The following UBTD1 variants were observed in gnomAD, a reference collection of about 807,000 sequenced individuals.
UBTD1 encodes ubiquitin domain containing 1, also known as ubiquitin domain-containing protein 1.
In UBTD1, 19 loss-of-function variants were observed where a neutral mutation model predicts 21.7. The ratio of observed to expected loss-of-function variants is 0.87; its 90% CI spans 0.61 to 1.28. The LOEUF (loss-of-function observed/expected upper bound fraction) is 1.28. Ranked by LOEUF, UBTD1 falls within the 50% of genes most tolerant of loss-of-function variation. UBTD1 has a pLI of 0.00. For synonymous variants in UBTD1, 116 were observed against 135.1 expected (o/e 0.86, Z 0.98); for missense variants, 282 against 315.1 (o/e 0.89, Z 0.80).
chr10:97,555,472 G>A, intron 1 of UBTD1, among the ~76,000 whole-genome samples: 1 of 152,162 alleles, frequency 6.6e-6, no homozygotes, highest in Non-Finnish European at 1.5e-5. Flanking sequence ...AGTGTAGCAG[G>A]ACGAGCCACA....
At chr10:97,501,196 C>A (rs79142412) in intron 1 of UBTD1, among the ~76,000 whole-genome samples, 1,873 of 152,348 alleles carry the variant, frequency 0.012, 36 homozygotes, top group African/African-American at 0.043. Flanking sequence ...AAGGCAACTT[C>A]ATCTTCAGTC....
rs993746880 is a variant in UBTD1 at position 97,504,509 on chromosome 10, G to A, written c.70+5236G>A. Among the ~76,000 whole-genome samples the A allele has an allele frequency of 2.0e-5, 3 of 152,162 alleles. No homozygotes were observed. The East Asian group carries it at 5.8e-4, about 29-fold the overall frequency. On this transcript the variant is annotated intron_variant, in intron 1 of 2. Transcript: ENST00000370664. ...TATTTAAGGAATCAAACCCTCCCAGGCCATTTCATTTAAAATTATCCCCTT... is the reference window on the plus strand; with the variant it reads ...TATTTAAGGAATCAAACCCTCCCAGACCATTTCATTTAAAATTATCCCCTT...
intron 1 of UBTD1, among the ~76,000 whole-genome samples, chr10:97,534,562 A>AAC (rs200467176): frequency 0.011 from 1,346 of 127,990 alleles, 18 homozygotes; most frequent in African/African-American, 0.029. Flanking sequence ...GGCACTAAGG[A>AAC]ACACACACGC....
At chr10:97,527,171 C>CAAAA (rs34756643) in intron 1 of UBTD1, among the ~76,000 whole-genome samples, 755 of 66,578 alleles carry the variant, frequency 0.011, 37 homozygotes, top group African/African-American at 0.044. Context: ...CTCTTGTCTC[C>CAAAA]AAAAAAAAAA....
At chr10:97,541,488 C>CA (rs1451106978) in intron 1 of UBTD1, among the ~76,000 whole-genome samples, 1 of 151,992 alleles carries the variant, frequency 6.6e-6, no homozygotes, top group Non-Finnish European at 1.5e-5. Context: ...AAAAAAAAGA[C>CA]AAAAAACTCC....
At chr10:97,548,341 T>TA (rs2040620624) in intron 1 of UBTD1, among the ~76,000 whole-genome samples, 1 of 152,252 alleles carries the variant, frequency 6.6e-6, no homozygotes, top group Admixed American at 6.5e-5. Flanking sequence ...AACACATCAG[T>TA]ACGTGGCAAA....
chr10:97,503,761 G>A (rs78266887), intron 1 of UBTD1, among the ~76,000 whole-genome samples: 1 of 152,184 alleles, frequency 6.6e-6, no homozygotes, highest in Non-Finnish European at 1.5e-5. Context: ...GCCACATGGA[G>A]CTTACAGTCT....
intron 1 of UBTD1, among the ~76,000 whole-genome samples, chr10:97,514,080 G>A (rs1044836150): frequency 6.6e-6 from 1 of 151,248 alleles, no homozygotes; most frequent in South Asian, 2.1e-4. Flanking sequence ...GGAAGGTATC[G>A]AATAGTATAT....
chr10:97,507,108 T>C (rs1208613619), intron 1 of UBTD1, among the ~76,000 whole-genome samples: 4 of 152,220 alleles, frequency 2.6e-5, no homozygotes, highest in African/African-American at 9.7e-5. Context: ...CCATAACACT[T>C]TCCTCAGCAG....
chr10:97,515,363 G>A (rs939732921), intron 1 of UBTD1, among the ~76,000 whole-genome samples: 1 of 152,224 alleles, frequency 6.6e-6, no homozygotes, highest in Admixed American at 6.5e-5. Flanking sequence ...AAGCCAGAAC[G>A]TGGGGCCAGT....
At chr10:97,546,187 C>A (rs911865500) in intron 1 of UBTD1, among the ~76,000 whole-genome samples, 11 of 152,164 alleles carry the variant, frequency 7.2e-5, no homozygotes, top group African/African-American at 2.4e-5. Context: ...CTGAATTGCC[C>A]CCCAGCTGGG....
Position 97,498,952 on chromosome 10 carries a change from C to G in UBTD1, c.-252C>G, listed in dbSNP as rs1368648554. On this transcript the variant is annotated 5_prime_UTR_variant, in exon 1 of 3. Coordinates refer to ENST00000370664, the MANE Select transcript of UBTD1 (RefSeq NM_024954.5). ...TCCGCCCCTCCAGCGGAGCTGGTCT[C>G]CGGCCGGGCACCGTCGCGGGCCCCC... 2.3e-6 allele frequency: 1 copy of G among 438,260 alleles called. No individual in the cohort carries two copies. The highest frequency in any genetic ancestry group is 2.1e-5 in the African/African-American group (1 of 48,314). The allele number at this position is 438,260 out of a possible 1,614,324, so 27.1% of individuals were successfully genotyped here. A position where few individuals can be genotyped will look rare whatever the true frequency, so the allele number is the denominator to read the frequency against.
chr10:97,528,525 G>C (rs2040505202), intron 1 of UBTD1, among the ~76,000 whole-genome samples: 1 of 93,558 alleles, frequency 1.1e-5, no homozygotes, highest in Non-Finnish European at 2.3e-5. Flanking sequence ...CGGGCAGGGG[G>C]CTGACCCCCA....
At chr10:97,560,074 A>G (rs888067696) in intron 1 of UBTD1, among the ~76,000 whole-genome samples, 1 of 152,018 alleles carries the variant, frequency 6.6e-6, no homozygotes, top group South Asian at 2.1e-4. Context: ...TTTTTCTTTC[A>G]TGACTTTCAC....
intron 1 of UBTD1, among the ~76,000 whole-genome samples, chr10:97,536,933 G>GGGCCCTCCCTT (rs1307738935): frequency 2.6e-5 from 4 of 152,206 alleles, no homozygotes; most frequent in Admixed American, 2.6e-4. Flanking sequence ...GGAGAGACCA[G>GGGCCCTCCCTT]GGCCCTCCCT....
rs17108072 is a variant in UBTD1 at position 97,553,910 on chromosome 10, T to G, written c.71-14004T>G. Reference sequence around the variant, plus strand: ...CTTGCAGAGGCTCACTCACAGTAACTGTCAGTGGGAGAGAAGCATAGAAGT... The same window carrying G: ...CTTGCAGAGGCTCACTCACAGTAACGGTCAGTGGGAGAGAAGCATAGAAGT... On this transcript the variant is annotated intron_variant, in intron 1 of 2. Transcript: ENST00000370664. Among the ~76,000 whole-genome samples, 1,057 of 152,284 alleles carry G rather than the reference T, an allele frequency of 6.9e-3. 28 individuals carry two copies. In the East Asian group the frequency reaches 0.078, roughly 11 times the overall value.
At chr10:97,553,846 T>G (rs1456149590) in intron 1 of UBTD1, among the ~76,000 whole-genome samples, 1 of 152,200 alleles carries the variant, frequency 6.6e-6, no homozygotes, top group East Asian at 1.9e-4. Context: ...TTGTCACCGC[T>G]GTATCCTGGG....
At chr10:97,524,850 A>G (rs2040481363) in intron 1 of UBTD1, among the ~76,000 whole-genome samples, 1 of 152,134 alleles carries the variant, frequency 6.6e-6, no homozygotes, top group African/African-American at 2.4e-5. Flanking sequence ...TGGAGGGGGA[A>G]GAAAGGGTGG....
At chr10:97,518,983 T>C (rs1197311808) in intron 1 of UBTD1, among the ~76,000 whole-genome samples, 9 of 152,188 alleles carry the variant, frequency 5.9e-5, no homozygotes, top group Admixed American at 5.9e-4. Flanking sequence ...GGTTGTGTAA[T>C]TTGCCCAACA....
Sources: allele counts gnomAD v4.1 joint callset (sites outside exome capture counted in the v4.1 genomes callset), GRCh38; gene constraint gnomAD v4.1.1; transcripts MANE v1.5; gene names NCBI Gene and HGNC (gene_info 2026-07-23, HGNC 2026-07-21).